The following WDTC1 variants were observed in gnomAD, a reference collection of about 807,000 sequenced individuals.
WDTC1 encodes the protein WD and tetratricopeptide repeats protein 1.
Under a neutral mutation model 76.0 loss-of-function variants are expected in WDTC1, and 12 were observed. The ratio of observed to expected loss-of-function variants is 0.16; its 90% CI spans 0.10 to 0.26. The LOEUF is 0.26. WDTC1 is among the 10% of genes least tolerant of loss of function. The pLI is 1.00. For synonymous variants in WDTC1, 326 were observed against 350.8 expected (o/e 0.93, Z 0.79); for missense variants, 511 against 908.8 (o/e 0.56, Z 5.63).
At chr1:27,269,859 C>T (rs2147944009) in intron 3 of WDTC1, among the ~76,000 whole-genome samples, 1 of 151,966 alleles carries the variant, frequency 6.6e-6, no homozygotes, top group South Asian at 2.1e-4. Context: ...ATCCGCCTGC[C>T]TCGACCTCCC....
chr1:27,301,092 C>T lies in WDTC1; in HGVS notation c.1233-134C>T, dbSNP rs1278291645. The T allele has an allele frequency of 1.5e-5, 11 of 734,468 alleles. No individual in the cohort carries two copies. The highest frequency in any genetic ancestry group is 1.2e-4 in the African/African-American group (7 of 57,196). 45.5% of individuals were successfully genotyped at this position (734,468 alleles called of 1,614,324 possible). A position where few individuals can be genotyped will look rare whatever the true frequency, so the allele number is the denominator to read the frequency against. On this transcript the variant is annotated intron_variant, in intron 12 of 15. Transcript: ENST00000319394. This position sits in a 1 kb window ranked among gnomAD's most constrained non-coding sequence, Gnocchi z 5.8. ...GCCTGGGCTGAGCCAGGATTCTCTT[C>T]GTCCTCAAGTCCCCTTGCCATGAGA...
intron 3 of WDTC1, among the ~76,000 whole-genome samples, chr1:27,272,474 G>C (rs1244991103): frequency 6.6e-6 from 1 of 152,144 alleles, no homozygotes; most frequent in South Asian, 2.1e-4. Context: ...GCTCTACTTA[G>C]TAGATTTGTC....
At chr1:27,247,302 C>T (rs184385054) in intron 1 of WDTC1, among the ~76,000 whole-genome samples, 3 of 152,232 alleles carry the variant, frequency 2.0e-5, no homozygotes, top group African/African-American at 7.2e-5. Flanking sequence ...AGTGATCCAC[C>T]TGCCTCAGCC....
rs1047733835 is a variant in WDTC1, at chr1:27,303,816, G to A, written c.1643+21G>A. The A allele has an allele frequency of 6.2e-7, 1 of 1,613,546 alleles. No homozygotes were observed. On this transcript the variant is annotated intron_variant, in intron 14 of 15. Transcript: ENST00000319394. This position sits in a 1 kb window ranked among gnomAD's most constrained non-coding sequence, Gnocchi z 4.8. ...GGCAGGTCCGAGGCCCTGAAGAGGA[G>A]GGTGCAGCCCAGTTGGCAGCGGGAG...
intron 12 of WDTC1, 116 bp downstream of exon 12, chr1:27,298,227 C>T (rs559606962): frequency 7.6e-7 from 1 of 1,318,838 alleles, no homozygotes; most frequent in African/African-American, 1.5e-5. Flanking sequence ...GTGGCAAGAA[C>T]ATATTGCTGC....
intron 14 of WDTC1, 136 bp from the exon 15 acceptor site, chr1:27,304,865 A>G (rs2013914569): frequency 1.2e-6 from 1 of 862,180 alleles, no homozygotes; most frequent in Non-Finnish European, 1.7e-6. Flanking sequence ...TTCTGGGTCA[A>G]GTGCACACCC....
intron 1 of WDTC1, among the ~76,000 whole-genome samples, chr1:27,250,196 C>CT: frequency 6.6e-6 from 1 of 151,972 alleles, no homozygotes; most frequent in Non-Finnish European, 1.5e-5. Flanking sequence ...TTCTTTTTTT[C>CT]TTTTTTGGAG....
rs115217456 is a variant in WDTC1, at chr1:27,256,000, T to C, written c.-99-4956T>C. Among the ~76,000 whole-genome samples the C allele has an allele frequency of 4.6e-3, 698 of 152,290 alleles. 7 individuals carry two copies. Among genetic ancestry groups the C allele is most frequent in the African/African-American group, 0.016 (668 of 41,552 alleles). Reference sequence around the variant, plus strand: ...GTCATCTTCTCAGAGAACCCCTCTCTATCAGGCAGGATTTGTAGTTGTATG... The same window carrying C: ...GTCATCTTCTCAGAGAACCCCTCTCCATCAGGCAGGATTTGTAGTTGTATG... On this transcript the variant is annotated intron_variant, in intron 1 of 15. Transcript: ENST00000319394.
In WDTC1 at chr1:27,306,540, A is replaced by G; in HGVS notation, c.*157A>G. ...TTTGGCGTTAGGGGTGGAGGTTGCT[A>G]CAACTTGCTGGCTTTCGGACTCTGG... is the stretch of plus-strand genomic sequence containing the variant. On this transcript the variant is annotated 3_prime_UTR_variant, in exon 16 of 16. Transcript: ENST00000319394. The surrounding 1 kb of genome is among the most constrained non-coding windows in gnomAD (Gnocchi z 5.0). The G allele has an allele frequency of 1.0e-6, 1 of 963,164 alleles. No homozygotes were observed. The highest frequency in any genetic ancestry group is 1.5e-6 in the Non-Finnish European group (1 of 668,420). The allele number at this position is 963,164 out of a possible 1,614,324, so 59.7% of individuals were successfully genotyped here.
At position 27,305,291 on chromosome 1, in the gene WDTC1, G is replaced by T; in HGVS notation, c.1836+98G>T. 1 of 1,395,214 alleles carries T rather than the reference G, an allele frequency of 7.2e-7. No individual in the cohort carries two copies. The highest frequency in any genetic ancestry group is 9.5e-7 in the Non-Finnish European group (1 of 1,052,882). 86.4% of individuals were successfully genotyped at this position (1,395,214 alleles called of 1,614,324 possible). On this transcript the variant is annotated intron_variant, in intron 15 of 15. Coordinates refer to ENST00000319394, the MANE Select transcript of WDTC1 (RefSeq NM_001276252.2). The surrounding 1 kb of genome is among the most constrained non-coding windows in gnomAD (Gnocchi z 4.6). ...GGGAAGAGAAATGAGCCACCCAGAG[G>T]CTAGAAGCTGCTAAGTAAGCCTTAC... is the stretch of plus-strand genomic sequence containing the variant.
intron 5 of WDTC1, 103 bp from the exon 6 acceptor site, chr1:27,287,571 A>T: frequency 7.6e-7 from 1 of 1,318,566 alleles, no homozygotes; most frequent in Non-Finnish European, 1.0e-6. Context: ...TCATTCTCTT[A>T]TCTGACATGG....
At chr1:27,279,262 A>C (rs1277762288) in intron 3 of WDTC1, among the ~76,000 whole-genome samples, 1 of 151,594 alleles carries the variant, frequency 6.6e-6, no homozygotes, top group Non-Finnish European at 1.5e-5. Flanking sequence ...GGCCGGACAC[A>C]GTGGCTCACG....
chr1:27,292,462 C>T, intron 7 of WDTC1, 65 bp downstream of exon 7: 2 of 1,408,624 alleles, frequency 1.4e-6, no homozygotes, highest in Non-Finnish European at 1.9e-6. Context: ...GCCCCTTTCC[C>T]TCACTGCCAT....
At position 27,263,168 on chromosome 1, in the gene WDTC1, G is replaced by A. The variant is rs113578154; in HGVS notation, c.65G>A (p.Ser22Asn). Residue 22 changes from serine to asparagine, a missense_variant, in exon 3 of 16, where the codon AGC becomes AAC. Coordinates refer to ENST00000319394, the MANE Select transcript of WDTC1 (RefSeq NM_001276252.2). Reference protein sequence around the residue: ...RRQIKERGALSFERRYHVTDP... With the variant: ...RRQIKERGALNFERRYHVTDP... Reference sequence around the variant, plus strand: ...GTCCCCTAGGAGCGGGGTGCCCTGAGCTTTGAGCGGCGCTACCATGTCACT... The same window carrying A: ...GTCCCCTAGGAGCGGGGTGCCCTGAACTTTGAGCGGCGCTACCATGTCACT... The A allele has an allele frequency of 6.8e-6, 11 of 1,613,586 alleles. No homozygotes were observed. Among genetic ancestry groups the A allele is most frequent in the Non-Finnish European group, 8.5e-6 (10 of 1,179,820 alleles).
Position 27,306,438 on chromosome 1 carries a change from C to A in WDTC1, c.*55C>A, listed in dbSNP as rs2013957720. 4 of 1,567,444 alleles carry A rather than the reference C, an allele frequency of 2.6e-6. No individual in the cohort carries two copies. Among genetic ancestry groups the A allele is most frequent in the East Asian group, 2.3e-5 (1 of 44,062 alleles). On this transcript the variant is annotated 3_prime_UTR_variant, in exon 16 of 16. Transcript: ENST00000319394. The surrounding 1 kb of genome is among the most constrained non-coding windows in gnomAD (Gnocchi z 5.0). The stretch of plus-strand genomic sequence containing the variant: ...TACTGGCTGGACCCTCTGCCCTGGG[C>A]AGGAGGTCAGGGGATTCTGTTTTGG...
At position 27,306,626 on chromosome 1, in the gene WDTC1, A is replaced by G. The variant is rs985827395; in HGVS notation, c.*243A>G. The G allele has an allele frequency of 2.7e-5, 15 of 561,154 alleles. No homozygotes were observed. In the Admixed American group the frequency reaches 3.8e-4, roughly 14 times the overall value. 34.8% of individuals were successfully genotyped at this position (561,154 alleles called of 1,614,324 possible). On this transcript the variant is annotated 3_prime_UTR_variant, in exon 16 of 16. Transcript: ENST00000319394. This position sits in a 1 kb window ranked among gnomAD's most constrained non-coding sequence, Gnocchi z 5.0. ...AAAGAGCAGGAGGGGACACCCCTCC[A>G]TATGCCCCCCCCCATCTCCTGCTTT...
chr1:27,302,356 G>T (rs1315888010), intron 13 of WDTC1, among the ~76,000 whole-genome samples: 2 of 151,986 alleles, frequency 1.3e-5, no homozygotes, highest in African/African-American at 4.8e-5. Context: ...GAGGGGGTGG[G>T]CTTGATGGCA....
intron 1 of WDTC1, among the ~76,000 whole-genome samples, chr1:27,252,887 T>C (rs1173122693): frequency 6.6e-6 from 1 of 152,222 alleles, no homozygotes; most frequent in African/African-American, 2.4e-5. Flanking sequence ...TAAGTTGTCT[T>C]TCTTATTCTA....
intron 6 of WDTC1, among the ~76,000 whole-genome samples, chr1:27,288,979 G>A (rs1433985481): frequency 1.4e-5 from 1 of 72,964 alleles, no homozygotes; most frequent in Non-Finnish European, 3.5e-5. Context: ...CGGGCGGGGG[G>A]CTGACCCCCC....
Sources: gnomAD v4.1 joint callset for allele counts (sites outside exome capture counted in the v4.1 genomes callset) on GRCh38, gnomAD v4.1.1 for gene constraint, Gnocchi (gnomAD v3.1) non-coding constraint, MANE v1.5 for transcripts, NCBI Gene and HGNC (gene_info 2026-07-23, HGNC 2026-07-21) for gene names.